SOX6: variants seen among roughly 807,000 people sequenced by gnomAD.
SOX6 encodes the protein SRY-box transcription factor 6.
Under a neutral mutation model 97.8 loss-of-function variants are expected in SOX6, and 11 were observed. The ratio of observed to expected loss-of-function variants is 0.11; its 90% CI spans 0.07 to 0.19. The LOEUF (loss-of-function observed/expected upper bound fraction) is 0.19. Ranked by LOEUF, SOX6 falls within the 10% of genes least tolerant of loss-of-function variation. The pLI is 1.00. For synonymous variants in SOX6, 360 were observed against 371.4 expected, an observed-to-expected ratio of 0.97 and a Z score of 0.35; for missense variants, 810 against 1,039.5, an observed-to-expected ratio of 0.78 and a Z score of 3.04.
intron 3 of SOX6, among the ~76,000 whole-genome samples, chr11:16,662,879 G>A (rs1415732440): frequency 2.6e-5 from 4 of 151,972 alleles, no homozygotes; most frequent in Non-Finnish European, 5.9e-5. Flanking sequence ...AGGCGGGGGA[G>A]ATAGTGTCTC....
chr11:16,619,664 G>A (rs995894782), intron 3 of SOX6, among the ~76,000 whole-genome samples: 2 of 151,910 alleles, frequency 1.3e-5, no homozygotes, highest in African/African-American at 4.8e-5. Context: ...TAAGCAAGTG[G>A]TACAATATGT....
chr11:16,432,346 C>T lies in SOX6; in HGVS notation c.-5+43969G>A, dbSNP rs115545423. Among the ~76,000 whole-genome samples, 699 of 152,190 alleles carry T rather than the reference C, an allele frequency of 4.6e-3. 5 individuals are homozygous for T. Among genetic ancestry groups the T allele is most frequent in the African/African-American group, 0.016 (656 of 41,562 alleles). On this transcript the variant is annotated intron_variant, in intron 1 of 15. Transcript: ENST00000396356. The stretch of plus-strand genomic sequence containing the variant: ...TCAAAGGCATATGCCAAGTTAATTA[C>T]AGTCAAAAGTGTAACTATCTCTCTT...
intron 7 of SOX6, among the ~76,000 whole-genome samples, chr11:16,100,141 C>T (rs1848908194): frequency 1.3e-5 from 2 of 151,776 alleles, no homozygotes; most frequent in Admixed American, 1.3e-4. Context: ...TTCCCTTATG[C>T]TGCTCTAATT....
At chr11:16,712,849 A>T (rs1041181767) in intron 3 of SOX6, among the ~76,000 whole-genome samples, 4 of 152,228 alleles carry the variant, frequency 2.6e-5, no homozygotes, top group Admixed American at 6.5e-5. Flanking sequence ...AATTATTTAT[A>T]CTGTTAATTA....
At chr11:16,116,768 C>G (rs771497535) in intron 6 of SOX6, among the ~76,000 whole-genome samples, 2 of 152,110 alleles carry the variant, frequency 1.3e-5, no homozygotes, top group Non-Finnish European at 1.5e-5. Context: ...AGGTAAGCAG[C>G]GGGCAAGCAA....
chr11:16,480,650 C>A (rs1258391847), upstream of SOX6, among the ~76,000 whole-genome samples: 2 of 151,524 alleles, frequency 1.3e-5, no homozygotes, highest in African/African-American at 4.8e-5. Context: ...TAGTAACCCC[C>A]CCCCCACCTT....
At chr11:16,218,093 A>G (rs567853499) in intron 4 of SOX6, among the ~76,000 whole-genome samples, 17 of 152,258 alleles carry the variant, frequency 1.1e-4, no homozygotes, top group Admixed American at 1.3e-4. Flanking sequence ...ACCAAAATAC[A>G]TTATTTTTAT....
intron 3 of SOX6, among the ~76,000 whole-genome samples, chr11:16,687,849 T>C (rs1055070193): frequency 3.9e-5 from 6 of 152,200 alleles, no homozygotes; most frequent in South Asian, 2.1e-4. Context: ...TGCTTTAAAG[T>C]TGTTGTGCCA....
At chr11:16,594,086 G>GT (rs1207683269) in intron 4 of SOX6, among the ~76,000 whole-genome samples, 1 of 152,028 alleles carries the variant, frequency 6.6e-6, no homozygotes, top group Non-Finnish European at 1.5e-5. Flanking sequence ...GGCCCAAGGT[G>GT]TTTTCCAAAC....
At chr11:16,133,467 G>A (rs989082644) in intron 6 of SOX6, among the ~76,000 whole-genome samples, 5 of 152,120 alleles carry the variant, frequency 3.3e-5, no homozygotes, top group Non-Finnish European at 7.4e-5. Flanking sequence ...TTTTCCATAA[G>A]AGCACTGATT....
Position 16,245,552 on chromosome 11 carries a change from G to A in SOX6, c.446-10881C>T, listed in dbSNP as rs146978170. On this transcript the variant is annotated intron_variant, in intron 3 of 15. Transcript: ENST00000683767. Reference sequence around the variant, plus strand: ...AAATCACCAAGAATAATTAGATTGTGGCTGTGTCTTTTTCTTCTTTTAGTT... The same window carrying A: ...AAATCACCAAGAATAATTAGATTGTAGCTGTGTCTTTTTCTTCTTTTAGTT... Among the ~76,000 whole-genome samples the A allele has an allele frequency of 6.0e-3, 908 of 151,560 alleles. 9 individuals are homozygous for A. Among genetic ancestry groups the A allele is most frequent in the African/African-American group, 0.021 (872 of 41,466 alleles).
intron 3 of SOX6, among the ~76,000 whole-genome samples, chr11:16,267,444 C>T (rs1448254710): frequency 4.6e-5 from 7 of 151,508 alleles, no homozygotes; most frequent in Non-Finnish European, 1.0e-4. Context: ...ATTTACAAAG[C>T]TTGAAATCAT....
intron 3 of SOX6, among the ~76,000 whole-genome samples, chr11:16,707,340 A>AC (rs1848145602): frequency 6.6e-6 from 1 of 152,164 alleles, no homozygotes; most frequent in African/African-American, 2.4e-5. Context: ...GAATGTTAAA[A>AC]AAAAAAAAGC....
intron 7 of SOX6, among the ~76,000 whole-genome samples, chr11:16,102,448 A>G (rs1427169135): frequency 1.3e-5 from 2 of 152,000 alleles, no homozygotes; most frequent in Non-Finnish European, 2.9e-5. Context: ...AAATGACTAT[A>G]CTGCCAAAAG....
intron 1 of SOX6, among the ~76,000 whole-genome samples, chr11:16,438,737 G>T (rs1859439212): frequency 6.6e-6 from 1 of 151,788 alleles, no homozygotes; most frequent in South Asian, 2.1e-4. Flanking sequence ...GGGGCCAGAG[G>T]GGCAGCAGAT....
chr11:16,132,399 AAAAAAGAAAGAAAG>A lies in SOX6; in HGVS notation c.778-20490_778-20477del, dbSNP rs1849806688. Among the ~76,000 whole-genome samples, 5 of 63,834 alleles carry A rather than the reference AAAAAAGAAAGAAAG, an allele frequency of 7.8e-5. No homozygotes were observed. In the Admixed American group the frequency reaches 8.0e-4, roughly 10 times the overall value. The allele number at this position is 63,834 out of a possible 152,430, so 41.9% of individuals were successfully genotyped here. A position where few individuals can be genotyped will look rare whatever the true frequency, so the allele number is the denominator to read the frequency against. On this transcript the variant is annotated intron_variant, in intron 6 of 15. Coordinates refer to ENST00000683767, the MANE Select transcript of SOX6 (RefSeq NM_001367873.1). ...GAAAGAAAGAAAGAAAGAAAGAAAG[AAAAAAGAAAGAAAG>A]AAAGAAAGAAAGAAAGAAAGAAAGA...
intron 4 of SOX6, among the ~76,000 whole-genome samples, chr11:16,539,491 G>A (rs139394830): frequency 0.066 from 9,966 of 151,890 alleles, 461 homozygotes; most frequent in Non-Finnish European, 0.097. Flanking sequence ...GAAGGAGATA[G>A]AGACATAAAA....
chr11:16,116,384 G>T (rs1849348201), intron 6 of SOX6, among the ~76,000 whole-genome samples: 1 of 152,116 alleles, frequency 6.6e-6, no homozygotes, highest in African/African-American at 2.4e-5. Flanking sequence ...CCAATTAAAA[G>T]TTATAGAGTC....
chr11:16,235,963 A>G (rs1004709446), intron 3 of SOX6, among the ~76,000 whole-genome samples: 2 of 152,116 alleles, frequency 1.3e-5, no homozygotes, highest in African/African-American at 4.8e-5. Context: ...AGTGTGTTGT[A>G]AAAACGGCTG....
Sources: allele counts gnomAD v4.1 joint callset (sites outside exome capture counted in the v4.1 genomes callset), GRCh38; gene constraint gnomAD v4.1.1; transcripts MANE v1.5; gene names NCBI Gene and HGNC (gene_info 2026-07-23, HGNC 2026-07-21).